HUWE1: variants seen among roughly 807,000 people sequenced by gnomAD.
HUWE1 encodes the protein E3 ubiquitin-protein ligase HUWE1.
HUWE1 carries 18 observed loss-of-function variants against 299.4 expected under a neutral mutation model. That is an observed-to-expected ratio of 0.06 (90% CI 0.04 to 0.09). The LOEUF (loss-of-function observed/expected upper bound fraction) is 0.09. Ranked by LOEUF, HUWE1 falls within the 10% of genes least tolerant of loss-of-function variation. The pLI, the probability that HUWE1 is intolerant of heterozygous loss-of-function variation, is 1.00. For synonymous variants in HUWE1, 1,317 were observed against 1,286.1 expected (o/e 1.02, Z -0.51); for missense variants, 1,832 against 3,462.3 (o/e 0.53, Z 11.82).
At position 53,547,986 on chromosome X, in the gene HUWE1, T is replaced by C; in HGVS notation, c.10323A>G (p.Pro3441=). ...TTAAGAGAGAGCTCCGGCGGATGAC[T>C]GGGTGTGACAACATGTTCATGAGCT... ...LGQLMNMLSH[P]VIRRSSLLTE... is the part of the protein sequence containing the mutation. Residue 3441 remains proline, a synonymous_variant, in exon 68 of 84, where the codon CCA becomes CCG. Transcript: ENST00000262854. 1 of 1,211,541 alleles carries C rather than the reference T, an allele frequency of 8.3e-7. No individual in the cohort carries two copies. The highest frequency in any genetic ancestry group is 1.1e-6 in the Non-Finnish European group (1 of 895,339).
In HUWE1 at chrX:53,648,287, T is replaced by A. The variant is rs782288083; in HGVS notation, c.69A>T (p.Ile23=). The change falls in exon 5 of 84, where the codon ATA becomes ATT. Residue 23 remains isoleucine (I), a synonymous_variant. Coordinates refer to ENST00000262854, the MANE Select transcript of HUWE1 (RefSeq NM_031407.7). The part of the protein sequence containing the change: ...TEAPADCRAL[I]DKLKVCNDEQ... ...CATCATTACAAACTTTGAGTTTGTC[T>A]ATTAAGGCTCTGCAGTCTGCAGGCT... 1.7e-6 allele frequency: 2 copies of A among 1,189,725 alleles called. No individual in the cohort carries two copies. The highest frequency in any genetic ancestry group is 2.3e-6 in the Non-Finnish European group (2 of 875,778).
rs1557002013 is a variant in HUWE1 at position 53,611,322 on chromosome X, G to C, written c.2262-2413C>G. Among the ~76,000 whole-genome samples the C allele has an allele frequency of 2.7e-5, 3 of 110,621 alleles. No individual in the cohort carries two copies. In the East Asian group the frequency reaches 8.4e-4, roughly 31 times the overall value. Reference sequence around the variant, plus strand: ...ACAGAATACTACTCAGCAATGAAAAGTAACAAGTTGCTGACAGATGCAATA... The same window carrying C: ...ACAGAATACTACTCAGCAATGAAAACTAACAAGTTGCTGACAGATGCAATA... On this transcript the variant is annotated intron_variant, in intron 23 of 83. Transcript: ENST00000262854.
Position 53,595,237 on chromosome X carries a change from A to C in HUWE1, c.3330T>G (p.Thr1110=), listed in dbSNP as rs781845953. Residue 1110 remains threonine (T), a synonymous_variant, in exon 30 of 84, where the codon ACT becomes ACG. Transcript: ENST00000262854. ...GTGGGGGCTGCCAAGATAACCCCTT[A>C]GTCAAGAGCTTAGTGAGAGCTGAGG... ...STASALTKLL[T]KGLSWQPPPY... 10 of 1,211,432 alleles carry C rather than the reference A, an allele frequency of 8.3e-6. No homozygotes were observed. In the East Asian group the frequency reaches 3.0e-4, roughly 36 times the overall value.
intron 23 of HUWE1, among the ~76,000 whole-genome samples, chrX:53,609,879 C>T (rs183868889): frequency 9.0e-6 from 1 of 111,188 alleles, no homozygotes; most frequent in Admixed American, 9.5e-5. Context: ...CAAAGATTTG[C>T]CAGGCACAAG....
chrX:53,639,526 T>C (rs1439667927), intron 7 of HUWE1, among the ~76,000 whole-genome samples: 1 of 111,469 alleles, frequency 9.0e-6, no homozygotes, highest in Non-Finnish European at 1.9e-5. Flanking sequence ...GAACAAGGTC[T>C]GAAATAAGAA....
At position 53,592,424 on chromosome X, in the gene HUWE1, G is replaced by C; in HGVS notation, c.3946C>G (p.Gln1316Glu). ...QEEGGSRREPQVNQQQLQQLM... is the reference protein window; with the variant it reads ...QEEGGSRREPEVNQQQLQQLM... ...TGTTGCAGTTGTTGCTGGTTGACTTGAGGTTCCCGGCGGGAGCCACCTTCC... is the reference window on the plus strand; with the variant it reads ...TGTTGCAGTTGTTGCTGGTTGACTTCAGGTTCCCGGCGGGAGCCACCTTCC... The change falls in exon 33 of 84, where the codon CAA becomes GAA. Residue 1316 changes from glutamine (Q) to glutamate (E), a missense_variant. Transcript: ENST00000262854. 1 of 1,209,627 alleles carries C rather than the reference G, an allele frequency of 8.3e-7. No homozygotes were observed. The highest frequency in any genetic ancestry group is 1.1e-6 in the Non-Finnish European group (1 of 894,341).
intron 23 of HUWE1, among the ~76,000 whole-genome samples, chrX:53,613,680 A>G (rs1225128923): frequency 8.9e-6 from 1 of 111,878 alleles, no homozygotes; most frequent in Non-Finnish European, 1.9e-5. Flanking sequence ...TTGACTATTT[A>G]CAGTCATATA....
chrX:53,622,381 T>C (rs2066204627), intron 19 of HUWE1, among the ~76,000 whole-genome samples: 2 of 111,983 alleles, frequency 1.8e-5, no homozygotes, highest in Admixed American at 1.9e-4. Context: ...CTATGTACTA[T>C]GGACATTTAG....
intron 73 of HUWE1, among the ~76,000 whole-genome samples, chrX:53,543,028 G>A (rs1437748330): frequency 9.0e-6 from 1 of 110,642 alleles, no homozygotes; most frequent in Non-Finnish European, 1.9e-5. Context: ...TCGTGTAATG[G>A]GAAAGAGACT....
rs782531676 is a variant in HUWE1 at position 53,589,739 on chromosome X, C to G, written c.4269G>C (p.Glu1423Asp). 1 of 1,211,126 alleles carries G rather than the reference C, an allele frequency of 8.3e-7. No individual in the cohort carries two copies. The highest frequency in any genetic ancestry group is 3.0e-5 in the East Asian group (1 of 33,832). The change falls in exon 36 of 84, where the codon GAG (glutamate) becomes GAC (aspartate). Residue 1423 changes from glutamate to aspartate, a missense_variant. By Grantham distance (45) the Glu-to-Asp change is conservative. Coordinates refer to ENST00000262854, the MANE Select transcript of HUWE1 (RefSeq NM_031407.7). ...CCAACGGGTCAGCATCCTGGAACTTCTCTAGACATTTAGCCTCTTCCTCCT... is the reference window on the plus strand; with the variant it reads ...CCAACGGGTCAGCATCCTGGAACTTGTCTAGACATTTAGCCTCTTCCTCCT... ...KQEEEEAKCLEKFQDADPLEQ... is the reference protein window; with the variant it reads ...KQEEEEAKCLDKFQDADPLEQ...
chrX:53,651,970 T>C (rs1458853529), intron 4 of HUWE1, among the ~76,000 whole-genome samples: 3 of 111,869 alleles, frequency 2.7e-5, no homozygotes, highest in African/African-American at 9.8e-5. Context: ...AAGGAACTCC[T>C]GCAACTCAAT....
At chrX:53,677,849 T>C (rs2069911061) in intron 3 of HUWE1, among the ~76,000 whole-genome samples, 1 of 111,560 alleles carries the variant, frequency 9.0e-6, no homozygotes, top group Non-Finnish European at 1.9e-5. Flanking sequence ...ATCCTCAGAC[T>C]CATCAATCTT....
rs2061605145 is a variant in HUWE1, at chrX:53,547,682, T to C, written c.10627A>G (p.Thr3543Ala). ...TVTTPTTATT[T>A]VSISPTTKGS... Reference sequence around the variant, plus strand: ...CTACATCCACACTTACTTGAAACAGTAGTGGTAGCAGTCGTGGGGGTAGTC... The same window carrying C: ...CTACATCCACACTTACTTGAAACAGCAGTGGTAGCAGTCGTGGGGGTAGTC... The change falls in exon 68 of 84, where the codon ACT (threonine) becomes GCT (alanine). Residue 3543 changes from threonine (T) to alanine (A), a missense_variant. By Grantham distance (58) the Thr-to-Ala change is moderately conservative. This residue lies in a region of HUWE1 where 119 missense variants were observed against 124.6 expected (regional missense o/e 0.96). Coordinates refer to ENST00000262854, the MANE Select transcript of HUWE1 (RefSeq NM_031407.7). The C allele has an allele frequency of 1.7e-6, 2 of 1,208,087 alleles. No individual in the cohort carries two copies. The highest frequency in any genetic ancestry group is 1.8e-5 in the African/African-American group (1 of 57,004).
chrX:53,648,530 C>CAA (rs1235327907), intron 4 of HUWE1, among the ~76,000 whole-genome samples: 1 of 94,751 alleles, frequency 1.1e-5, no homozygotes, highest in African/African-American at 4.5e-5. Flanking sequence ...GCTTAAAAAA[C>CAA]AAAAAAAAAC....
chrX:53,586,402 T>A, intron 39 of HUWE1, 88 bp downstream of exon 39: 1 of 584,615 alleles, frequency 1.7e-6, no homozygotes, highest in East Asian at 3.5e-5. Flanking sequence ...ACTTCTATAT[T>A]CTTCACTACT....
chrX:53,538,740 T>C (rs1024343954), intron 76 of HUWE1, 95 bp downstream of exon 76: 8 of 883,376 alleles, frequency 9.1e-6, no homozygotes, highest in Admixed American at 2.6e-5. Context: ...TCTCTCTCTC[T>C]CTCTCTCTCT....
Position 53,551,418 on chromosome X carries a change from G to A in HUWE1, c.8944C>T (p.Arg2982Trp), listed in dbSNP as rs373845421. ...CCTAGCTGGTTCTGTAGAACTTCCC[G>A]ACGGATGTCATCAGGCAGGGCAGCC... Reference protein sequence around the residue: ...FLAALPDDIRREVLQNQLGIR... With the variant: ...FLAALPDDIRWEVLQNQLGIR... The change falls in exon 64 of 84, where the codon CGG (arginine) becomes TGG (tryptophan). Residue 2982 changes from arginine (R) to tryptophan (W), a missense_variant. This residue lies in a region of HUWE1 where 91 missense variants were observed against 281.2 expected (regional missense o/e 0.32). Coordinates refer to ENST00000262854, the MANE Select transcript of HUWE1 (RefSeq NM_031407.7). 9.1e-6 allele frequency: 11 copies of A among 1,206,892 alleles called. No individual in the cohort carries two copies. The highest frequency in any genetic ancestry group is 1.1e-5 in the Non-Finnish European group (10 of 893,618).
rs782627777 is a variant in HUWE1 at position 53,554,791 on chromosome X, G to T, written c.8336C>A (p.Ala2779Asp). ...CAGCTCCTGAGGAACCTCTCCCAAA[G>T]CTGGTGGGGTTGGGAGTGTTGGTTG... ...QQQPTLPTPP[A>D]LGEVPQELQS... Residue 2779 changes from alanine (A) to aspartate (D), a missense_variant, in exon 61 of 84, where the codon GCT (alanine) becomes GAT (aspartate). Transcript: ENST00000262854. The T allele has an allele frequency of 8.3e-7, 1 of 1,211,573 alleles. No homozygotes were observed. Among genetic ancestry groups the T allele is most frequent in the Non-Finnish European group, 1.1e-6 (1 of 895,377 alleles).
intron 4 of HUWE1, among the ~76,000 whole-genome samples, chrX:53,648,816 C>G (rs1227574253): frequency 3.6e-5 from 4 of 112,010 alleles, no homozygotes; most frequent in African/African-American, 1.3e-4. Flanking sequence ...AAATCCTTCA[C>G]TTGTAAGATG....
Sources: gnomAD v4.1 joint callset for allele counts (sites outside exome capture counted in the v4.1 genomes callset) on GRCh38, gnomAD v4.1.1 for gene constraint, gnomAD v4.1.1 regional missense constraint, MANE v1.5 for transcripts, NCBI Gene and HGNC (gene_info 2026-07-23, HGNC 2026-07-21) for gene names.